Variants in PVT1 observed in about 807,000 individuals in gnomAD.
PVT1 encodes the protein Pvt1 oncogene.
intron 3 of PVT1, chr8:127,932,435 A>G (rs1022795939): frequency 4.0e-5 from 16 of 398,552 alleles, no homozygotes; most frequent in African/African-American, 3.3e-4. Context: ...AACTATTGTC[A>G]CATGAGTTTT....
At chr8:128,017,238 C>T (rs182281220) in intron 4 of PVT1, among the ~76,000 whole-genome samples, 3 of 152,262 alleles carry the variant, frequency 2.0e-5, no homozygotes, top group South Asian at 4.1e-4. Context: ...TCCTAGAGTC[C>T]TATTTTCCAA....
At chr8:127,871,535 G>A (rs528531445) in intron 2 of PVT1, among the ~76,000 whole-genome samples, 1 of 152,222 alleles carries the variant, frequency 6.6e-6, no homozygotes, top group Non-Finnish European at 1.5e-5. Context: ...TCTGTCCTTA[G>A]GCAGAGTCCA....
chr8:128,013,460 T>G (rs545158700), intron 4 of PVT1, among the ~76,000 whole-genome samples: 1 of 152,322 alleles, frequency 6.6e-6, no homozygotes, highest in Admixed American at 6.5e-5. Flanking sequence ...ATTTCTATTA[T>G]GGAATTGTAA....
At chr8:127,809,945 T>A (rs1043480530) in intron 2 of PVT1, among the ~76,000 whole-genome samples, 2 of 152,234 alleles carry the variant, frequency 1.3e-5, no homozygotes, top group Non-Finnish European at 2.9e-5. Context: ...ATTTTGTCGG[T>A]GAAAAGCCCT....
intron 3 of PVT1, among the ~76,000 whole-genome samples, chr8:127,902,797 TG>T (rs1815775345): frequency 6.6e-6 from 1 of 152,244 alleles, no homozygotes; most frequent in Admixed American, 6.5e-5. Flanking sequence ...TAGTATTTCT[TG>T]GTGTATATGT....
rs1814023729 is a variant in PVT1 at position 128,073,366 on chromosome 8, C to A, written n.1114+3005C>A. 2.0e-5 allele frequency among the ~76,000 whole-genome samples: 3 copies of A among 152,048 alleles called. No homozygotes were observed. The South Asian group carries it at 6.2e-4, about 32-fold the overall frequency. On this transcript the variant is annotated intron_variant and non_coding_transcript_variant, in intron 5 of 10. Transcript: ENST00000651587. ...CCCGTTCTCCCTCCTTTTCTCCCTCCATCCCTTCATTCCTCCCTCCCTTCC... is the reference window on the plus strand; with the variant it reads ...CCCGTTCTCCCTCCTTTTCTCCCTCAATCCCTTCATTCCTCCCTCCCTTCC...
intron 3 of PVT1, among the ~76,000 whole-genome samples, chr8:127,913,186 C>G (rs953790095): frequency 6.6e-6 from 1 of 152,218 alleles, no homozygotes; most frequent in Non-Finnish European, 1.5e-5. Flanking sequence ...AAGCTCAGCT[C>G]CTTGTCCAAG....
chr8:127,879,858 T>C (rs147282755), intron 2 of PVT1, among the ~76,000 whole-genome samples: 43 of 152,392 alleles, frequency 2.8e-4, no homozygotes, highest in Admixed American at 1.0e-3. Flanking sequence ...CTAGGCATTG[T>C]GCCCAGCGCA....
At chr8:128,048,408 G>T (rs767442777) in intron 4 of PVT1, 5 of 152,224 alleles carry the variant, frequency 3.3e-5, no homozygotes, top group Non-Finnish European at 5.9e-5. Context: ...CCTTTTCCTT[G>T]AGCTTCTGTG....
At chr8:127,994,961 A>G (rs10956403) in intron 4 of PVT1, among the ~76,000 whole-genome samples, 47,593 of 152,134 alleles carry the variant, frequency 0.31, 8,615 homozygotes, top group Admixed American at 0.51. Context: ...TTGAAGTGAT[A>G]ATCTCATCTG....
chr8:128,057,232 TA>T (rs1220050714), intron 4 of PVT1, among the ~76,000 whole-genome samples: 1 of 152,100 alleles, frequency 6.6e-6, no homozygotes, highest in Non-Finnish European at 1.5e-5. Context: ...TATTGAGCAT[TA>T]ATACTGTATA....
chr8:128,074,362 TAA>T (rs71300296), intron 5 of PVT1, among the ~76,000 whole-genome samples: 14 of 149,588 alleles, frequency 9.4e-5, no homozygotes, highest in South Asian at 6.4e-4. Flanking sequence ...AAAATAAAAA[TAA>T]AAAAAAAAAT....
chr8:127,932,122 C>T (rs1816213018), intron 3 of PVT1, among the ~76,000 whole-genome samples: 1 of 152,218 alleles, frequency 6.6e-6, no homozygotes, highest in Non-Finnish European at 1.5e-5. Context: ...GTGGGAACGT[C>T]AGGAGTGGGG....
intron 4 of PVT1, among the ~76,000 whole-genome samples, chr8:128,060,899 C>T (rs1054708235): frequency 4.7e-5 from 7 of 149,764 alleles, no homozygotes; most frequent in Non-Finnish European, 1.0e-4. Context: ...CAGTCCTAGG[C>T]AACTACTTTT....
chr8:127,861,120 GT>G lies in PVT1; in HGVS notation n.373-29462del, dbSNP rs1296267723. Among the ~76,000 whole-genome samples, 5 of 151,904 alleles carry G rather than the reference GT, an allele frequency of 3.3e-5. No individual in the cohort carries two copies. The East Asian group carries it at 5.8e-4, about 18-fold the overall frequency. ...TCTGTTTTTCCTTCTACCCTTCCAT[GT>G]TTTTTTCTCCCAACCATTCTTCTGT... On this transcript the variant is annotated intron_variant and non_coding_transcript_variant, in intron 2 of 10. Transcript: ENST00000651587.
intron 4 of PVT1, among the ~76,000 whole-genome samples, chr8:128,040,039 G>A (rs1054825664): frequency 5.3e-5 from 8 of 152,160 alleles, no homozygotes; most frequent in African/African-American, 1.9e-4. Flanking sequence ...TGTGGATAGA[G>A]GTGGAATTGT....
intron 2 of PVT1, among the ~76,000 whole-genome samples, chr8:127,800,246 G>A (rs1814448303): frequency 6.6e-6 from 1 of 152,110 alleles, no homozygotes; most frequent in Non-Finnish European, 1.5e-5. Context: ...CTTGGTTCAA[G>A]AGTGATGGAT....
chr8:127,919,036 C>T (rs1000078627), intron 3 of PVT1, among the ~76,000 whole-genome samples: 3 of 152,086 alleles, frequency 2.0e-5, no homozygotes, highest in Non-Finnish European at 2.9e-5. Context: ...TTCAGATGAC[C>T]GCTGTCAGGT....
Position 127,945,163 on chromosome 8 carries a change from A to G in PVT1, n.783-43999A>G, listed in dbSNP as rs191960842. ...GGGCCAGTTAACCATTCCCCTGTTG[A>G]GACACTGTGCTTGATGCATTTTTTT... On this transcript the variant is annotated intron_variant and non_coding_transcript_variant, in intron 3 of 10. Transcript: ENST00000651587. 5.4e-4 allele frequency among the ~76,000 whole-genome samples: 82 copies of G among 152,228 alleles called. 2 individuals are homozygous for G. Among genetic ancestry groups the G allele is most frequent in the East Asian group, 1.9e-3 (10 of 5,178 alleles).
Sources: allele counts gnomAD v4.1 joint callset (sites outside exome capture counted in the v4.1 genomes callset), GRCh38; gene constraint gnomAD v4.1.1; transcripts MANE v1.5; gene names NCBI Gene and HGNC (gene_info 2026-07-23, HGNC 2026-07-21).